NBEA: variants seen among roughly 807,000 people sequenced by gnomAD.
NBEA encodes lysosomal-trafficking regulator 2.
Under a neutral mutation model 343.4 loss-of-function variants are expected in NBEA, and 44 were observed. That is an observed-to-expected ratio of 0.13 (90% CI 0.10 to 0.16). The LOEUF is 0.16. Among genes scored for constraint, NBEA ranks in the 10% least tolerant of loss-of-function variants. The probability of loss-of-function intolerance (pLI) is 1.00; values close to 1 mark genes in which losing one functional copy is unlikely to be tolerated. For missense variants in NBEA, 2,555 were observed against 3,631.3 expected (o/e 0.70, Z 7.62); for synonymous variants, 1,175 against 1,238.7 (o/e 0.95, Z 1.08).
At chr13:35,246,633 G>A (rs2031240499) in intron 34 of NBEA, among the ~76,000 whole-genome samples, 2 of 152,112 alleles carry the variant, frequency 1.3e-5, no homozygotes, top group African/African-American at 4.8e-5. Context: ...CCTGTCATGT[G>A]AACCATCTTC....
At chr13:35,212,701 A>T (rs2073850203) in intron 33 of NBEA, among the ~76,000 whole-genome samples, 1 of 152,094 alleles carries the variant, frequency 6.6e-6, no homozygotes, top group South Asian at 2.1e-4. Flanking sequence ...CTTAGTATTT[A>T]GTCTCTGTCA....
At chr13:34,981,733 GTT>G (rs75570646) in intron 1 of NBEA, among the ~76,000 whole-genome samples, 4 of 143,698 alleles carry the variant, frequency 2.8e-5, no homozygotes, top group Non-Finnish European at 1.5e-5. Flanking sequence ...TTGTGGGAAG[GTT>G]TTTTTTTTTT....
At chr13:35,567,682 A>T (rs1335210255) in intron 45 of NBEA, among the ~76,000 whole-genome samples, 1 of 152,240 alleles carries the variant, frequency 6.6e-6, no homozygotes, top group East Asian at 1.9e-4. Context: ...TAGCCATAGT[A>T]AAGCCTCAGC....
intron 41 of NBEA, chr13:35,474,836 T>C: frequency 3.8e-6 from 2 of 530,744 alleles, no homozygotes; most frequent in East Asian, 3.2e-5. Flanking sequence ...TGGAAAGAAG[T>C]CTTCTAATAC....
Position 35,298,954 on chromosome 13 carries a change from A to G in NBEA, c.5838+8504A>G, listed in dbSNP as rs148347600. Among the ~76,000 whole-genome samples the G allele has an allele frequency of 1.6e-3, 236 of 152,176 alleles. 1 individual carries two copies. The highest frequency in any genetic ancestry group is 5.2e-3 in the African/African-American group (217 of 41,562). ...AAATGGTACTTTAAATACTTCACAT[A>G]TATATTTTCAGTAATTATGTATGTT... On this transcript the variant is annotated intron_variant, in intron 35 of 58. Coordinates refer to ENST00000379939, the MANE Select transcript of NBEA (RefSeq NM_001385012.1).
intron 31 of NBEA, among the ~76,000 whole-genome samples, chr13:35,207,779 C>A (rs2073494076): frequency 6.6e-6 from 1 of 152,156 alleles, no homozygotes. Flanking sequence ...TCTATCATCT[C>A]TGTTCTCTTT....
chr13:35,178,049 G>A (rs1186904139), intron 28 of NBEA, among the ~76,000 whole-genome samples: 1 of 151,452 alleles, frequency 6.6e-6, no homozygotes, highest in Non-Finnish European at 1.5e-5. Context: ...TGGACACAAG[G>A]CAACAAACAT....
intron 41 of NBEA, among the ~76,000 whole-genome samples, chr13:35,536,927 T>C (rs1161031720): frequency 6.6e-6 from 1 of 152,176 alleles, no homozygotes; most frequent in Non-Finnish European, 1.5e-5. Flanking sequence ...CTAAATCCGA[T>C]ATACCCCTGG....
At chr13:34,999,088 C>T (rs1270787904) in intron 1 of NBEA, among the ~76,000 whole-genome samples, 1 of 152,100 alleles carries the variant, frequency 6.6e-6, no homozygotes, top group Non-Finnish European at 1.5e-5. Flanking sequence ...AACAACTAAC[C>T]AAGCTTATAT....
chr13:35,062,552 G>C lies in NBEA; in HGVS notation c.1239+3689G>C, dbSNP rs554837433. 7.9e-5 allele frequency among the ~76,000 whole-genome samples: 12 copies of C among 151,936 alleles called. No homozygotes were observed. In the South Asian group the frequency reaches 1.7e-3, roughly 21 times the overall value. Reference sequence around the variant, plus strand: ...CCAAAGTAGGCACATTACAGTCAAAGTGTGGAAAACCAAAAATAAAGAGAA... The same window carrying C: ...CCAAAGTAGGCACATTACAGTCAAACTGTGGAAAACCAAAAATAAAGAGAA... On this transcript the variant is annotated intron_variant, in intron 8 of 58. Transcript: ENST00000379939.
chr13:35,342,090 C>A (rs962337793), intron 36 of NBEA, among the ~76,000 whole-genome samples: 8 of 151,864 alleles, frequency 5.3e-5, no homozygotes, highest in African/African-American at 1.9e-4. Context: ...TATTGTGCTA[C>A]CTGAAAGAAG....
At chr13:35,261,432 A>T (rs760115473) in intron 34 of NBEA, among the ~76,000 whole-genome samples, 19 of 152,066 alleles carry the variant, frequency 1.2e-4, no homozygotes, top group Non-Finnish European at 2.4e-4. Context: ...AATCACTGGA[A>T]CCTGGGAGGT....
At chr13:35,402,510 A>G (rs967399194) in intron 38 of NBEA, among the ~76,000 whole-genome samples, 1 of 152,074 alleles carries the variant, frequency 6.6e-6, no homozygotes, top group African/African-American at 2.4e-5. Context: ...TTACTTTGAG[A>G]TGGCTTACAG....
At chr13:35,005,405 T>C (rs568589136) in intron 1 of NBEA, among the ~76,000 whole-genome samples, 1 of 152,100 alleles carries the variant, frequency 6.6e-6, no homozygotes, top group Non-Finnish European at 1.5e-5. Context: ...TGTGAGACTT[T>C]GGAGGAGAGA....
intron 17 of NBEA, among the ~76,000 whole-genome samples, chr13:35,125,962 C>T (rs1392022627): frequency 6.6e-6 from 1 of 151,998 alleles, no homozygotes; most frequent in African/African-American, 2.4e-5. Flanking sequence ...TGAGTCCAGC[C>T]TGGGCAATGT....
intron 6 of NBEA, 141 bp from the exon 7 acceptor site, chr13:35,055,869 G>T (rs752834619): frequency 2.1e-5 from 11 of 514,356 alleles, no homozygotes; most frequent in South Asian, 7.7e-5. Context: ...AAATGAGAGG[G>T]GGAACTTGAT....
At chr13:35,124,916 A>G (rs980949028) in intron 17 of NBEA, among the ~76,000 whole-genome samples, 2 of 152,088 alleles carry the variant, frequency 1.3e-5, no homozygotes, top group Non-Finnish European at 2.9e-5. Flanking sequence ...ATTAAGAGAT[A>G]AAGATCACTT....
chr13:35,211,277 G>A, intron 33 of NBEA, 98 bp downstream of exon 33: 3 of 1,059,608 alleles, frequency 2.8e-6, no homozygotes, highest in Non-Finnish European at 4.0e-6. Flanking sequence ...TGAGAATGAA[G>A]GTTAATTATT....
intron 41 of NBEA, among the ~76,000 whole-genome samples, chr13:35,544,718 C>G (rs2078989101): frequency 6.6e-6 from 1 of 152,116 alleles, no homozygotes; most frequent in Admixed American, 6.5e-5. Context: ...AACTTTCTCC[C>G]TTCACTTCTT....
Sources: gnomAD v4.1 joint callset for allele counts (sites outside exome capture counted in the v4.1 genomes callset) on GRCh38, gnomAD v4.1.1 for gene constraint, MANE v1.5 for transcripts, NCBI Gene and HGNC (gene_info 2026-07-23, HGNC 2026-07-21) for gene names.